Variants in MAPT observed in about 807,000 individuals in gnomAD.
MAPT encodes microtubule associated protein tau.
In MAPT, 34 loss-of-function variants were observed where a neutral mutation model predicts 67.9. The observed-to-expected ratio is 0.50, with a 90% CI of 0.38 to 0.67. The LOEUF is 0.67. Ranked by LOEUF, MAPT falls within the 30% of genes least tolerant of loss-of-function variation. MAPT has a pLI of 0.00. For missense variants in MAPT, 881 were observed against 1,115.2 expected, an observed-to-expected ratio of 0.79 and a Z score of 2.99; for synonymous variants, 456 against 464.5, an observed-to-expected ratio of 0.98 and a Z score of 0.23.
intron 3 of MAPT, chr17:45,974,343 G>A (rs1202131404): frequency 1.4e-6 from 2 of 1,410,666 alleles, no homozygotes; most frequent in East Asian, 4.9e-5. Flanking sequence ...GCTGGGTATG[G>A]CTCGTCCTGG....
intron 2 of MAPT, among the ~76,000 whole-genome samples, chr17:45,967,205 A>G (rs530931589): frequency 1.3e-5 from 2 of 152,240 alleles, no homozygotes; most frequent in Non-Finnish European, 2.9e-5. Flanking sequence ...GTGCACCCTA[A>G]TGAATTAAAA....
intron 1 of MAPT, among the ~76,000 whole-genome samples, chr17:45,926,881 T>C (rs2066344222): frequency 6.6e-6 from 1 of 150,456 alleles, no homozygotes; most frequent in African/African-American, 2.5e-5. Context: ...AGGAAAAAAG[T>C]ACGTGTGTGG....
At position 45,987,517 on chromosome 17, in the gene MAPT, T is replaced by C. The variant is rs564033210; in HGVS notation, c.1407+422T>C. ...CCTTCTCAGTATTTCACTTCACCCATTGTTTACTGTCTCAATGACTGGGGA... is the reference window on the plus strand; with the variant it reads ...CCTTCTCAGTATTTCACTTCACCCACTGTTTACTGTCTCAATGACTGGGGA... On this transcript the variant is annotated intron_variant, in intron 6 of 12. Transcript: ENST00000262410. Among the ~76,000 whole-genome samples, 31 of 152,322 alleles carry C rather than the reference T, an allele frequency of 2.0e-4. No homozygotes were observed. The South Asian group carries it at 2.3e-3, about 11-fold the overall frequency.
chr17:45,988,886 A>AAAACAAAC (rs72204658), intron 6 of MAPT, among the ~76,000 whole-genome samples: 1 of 151,930 alleles, frequency 6.6e-6, no homozygotes, highest in African/African-American at 2.4e-5. Flanking sequence ...CCCTGTCTCT[A>AAAACAAAC]AAACAAACAA....
At chr17:45,902,388 G>C (rs777968015) in intron 1 of MAPT, among the ~76,000 whole-genome samples, 4 of 152,114 alleles carry the variant, frequency 2.6e-5, no homozygotes, top group Non-Finnish European at 4.4e-5. Context: ...CCTTATTTAG[G>C]ATATGTGATT....
At chr17:45,993,986 G>A in intron 8 of MAPT, 2 of 1,565,146 alleles carry the variant, frequency 1.3e-6, no homozygotes, top group South Asian at 1.2e-5. Context: ...AGGTACTCGG[G>A]AGCCTACTTC....
At chr17:45,998,737 C>CTGCGCTTCCACTGGGGACAA (rs1568308853) in intron 9 of MAPT, among the ~76,000 whole-genome samples, 1 of 152,116 alleles carries the variant, frequency 6.6e-6, no homozygotes, top group African/African-American at 2.4e-5. Flanking sequence ...GGAAACTGTC[C>CTGCGCTTCCACTGGGGACAA]TGCGCTTCCA....
chr17:45,905,384 T>A (rs1378487166), intron 1 of MAPT, among the ~76,000 whole-genome samples: 1 of 152,170 alleles, frequency 6.6e-6, no homozygotes, highest in East Asian at 1.9e-4. Context: ...CTCTGTTCCC[T>A]GTGGAGTGTT....
chr17:45,981,089 T>G (rs1250238788), intron 4 of MAPT, among the ~76,000 whole-genome samples: 1 of 152,146 alleles, frequency 6.6e-6, no homozygotes, highest in Non-Finnish European at 1.5e-5. Flanking sequence ...CCGGGCCTCT[T>G]GGGGATGAGC....
At chr17:46,003,235 A>T (rs755565845) in intron 9 of MAPT, among the ~76,000 whole-genome samples, 1 of 151,622 alleles carries the variant, frequency 6.6e-6, no homozygotes, top group Non-Finnish European at 1.5e-5. Context: ...CTCCCTCCTC[A>T]TACACCACTG....
chr17:46,010,523 G>C lies in MAPT; in HGVS notation c.2091+121G>C. The C allele has an allele frequency of 1.3e-6, 1 of 776,934 alleles. No individual in the cohort carries two copies. The allele number at this position is 776,934 out of a possible 1,614,324, so 48.1% of individuals were successfully genotyped here. A position where few individuals can be genotyped will look rare whatever the true frequency, so the allele number is the denominator to read the frequency against. Reference sequence around the variant, plus strand: ...ATCCTTCTTGGGCTCTCAGGATCTGGCTGCGACCTCTGGGTGAATGTAGCC... The same window carrying C: ...ATCCTTCTTGGGCTCTCAGGATCTGCCTGCGACCTCTGGGTGAATGTAGCC... On this transcript the variant is annotated intron_variant, in intron 10 of 12. Coordinates refer to ENST00000262410, the MANE Select transcript of MAPT (RefSeq NM_001377265.1). The surrounding 1 kb of genome is among the most constrained non-coding windows in gnomAD (Gnocchi z 4.7).
At chr17:46,001,114 A>G (rs187166044) in intron 9 of MAPT, among the ~76,000 whole-genome samples, 128 of 152,132 alleles carry the variant, frequency 8.4e-4, no homozygotes, top group African/African-American at 3.0e-3. Flanking sequence ...CTGTAGTTCC[A>G]GCTACTCTAG....
intron 7 of MAPT, chr17:45,990,528 A>G (rs757798256): frequency 1.1e-5 from 5 of 447,832 alleles, no homozygotes; most frequent in South Asian, 7.9e-5. Flanking sequence ...AGGCACAAGG[A>G]TTGCTTGAAC....
At position 45,916,656 on chromosome 17, in the gene MAPT, G is replaced by A. The variant is rs2065232139; in HGVS notation, c.-18+21970G>A. Among the ~76,000 whole-genome samples, 4 of 152,116 alleles carry A rather than the reference G, an allele frequency of 2.6e-5. No homozygotes were observed. The South Asian group carries it at 6.2e-4, about 24-fold the overall frequency. ...GCCCACTTTCCCTTTTCTCCTCCCT[G>A]CAGGACCTCCCTTCTCCCCAGTCCT... On this transcript the variant is annotated intron_variant, in intron 1 of 12. Transcript: ENST00000262410.
chr17:45,935,040 C>A (rs924733514), intron 1 of MAPT, among the ~76,000 whole-genome samples: 5 of 152,134 alleles, frequency 3.3e-5, no homozygotes, highest in Admixed American at 6.5e-5. Flanking sequence ...TGGGAAGGTC[C>A]GTGGCTACCC....
In MAPT at chr17:45,915,203, C is replaced by T. The variant is rs562180372; in HGVS notation, c.-18+20517C>T. 3.3e-5 allele frequency among the ~76,000 whole-genome samples: 5 copies of T among 151,820 alleles called. No individual in the cohort carries two copies. The highest frequency in any genetic ancestry group is 1.9e-4 in the East Asian group (1 of 5,170). On this transcript the variant is annotated intron_variant, in intron 1 of 12. Transcript: ENST00000262410. The surrounding 1 kb of genome is among the most constrained non-coding windows in gnomAD (Gnocchi z 4.4). ...CCCTGTCATGTTAGAGACTGGAGTG[C>T]GTGTGTGTGCGCGCAAAGTGTGGGG...
At chr17:45,923,244 G>A (rs8078495) in intron 1 of MAPT, among the ~76,000 whole-genome samples, 21,819 of 152,166 alleles carry the variant, frequency 0.14, 2,137 homozygotes, top group Middle Eastern at 0.22. Context: ...TAAGGATTTC[G>A]ATGTGAATGA....
intron 1 of MAPT, among the ~76,000 whole-genome samples, chr17:45,930,407 C>CAA (rs67120979): frequency 2.4e-5 from 2 of 81,980 alleles, no homozygotes; most frequent in African/African-American, 5.8e-5. Flanking sequence ...ATTCTGTCTC[C>CAA]AAAAAAAAAA....
At chr17:46,006,877 C>T (rs988355338) in intron 9 of MAPT, among the ~76,000 whole-genome samples, 2 of 150,978 alleles carry the variant, frequency 1.3e-5, no homozygotes, top group African/African-American at 4.9e-5. Flanking sequence ...GAGCCGAGAT[C>T]GCGCCACTGC....
Sources: allele counts gnomAD v4.1 joint callset (sites outside exome capture counted in the v4.1 genomes callset), GRCh38; gene constraint gnomAD v4.1.1; non-coding constraint Gnocchi (gnomAD v3.1); transcripts MANE v1.5; gene names NCBI Gene and HGNC (gene_info 2026-07-23, HGNC 2026-07-21).